Variants in HEXIM2 observed in about 807,000 individuals in gnomAD.
HEXIM2 encodes the protein HEXIM P-TEFb complex subunit 2.
For missense variants in HEXIM2, 413 were observed against 390.8 expected, an observed-to-expected ratio of 1.06 and a Z score of -0.48; for synonymous variants, 159 against 162.7, an observed-to-expected ratio of 0.98 and a Z score of 0.17.
chr17:45,162,553 G>GAATCCCATTTGGCCCCTT lies in HEXIM2; in HGVS notation c.-126_-109dup. 1 of 1,367,804 alleles carries GAATCCCATTTGGCCCCTT rather than the reference G, an allele frequency of 7.3e-7. No individual in the cohort carries two copies. The highest frequency in any genetic ancestry group is 9.5e-7 in the Non-Finnish European group (1 of 1,057,724). The allele number at this position is 1,367,804 out of a possible 1,614,324, so 84.7% of individuals were successfully genotyped here. A position where few individuals can be genotyped will look rare whatever the true frequency, so the allele number is the denominator to read the frequency against. On this transcript the variant is annotated 5_prime_UTR_variant, in exon 2 of 4. Coordinates refer to ENST00000589230, the MANE Select transcript of HEXIM2 (RefSeq NM_001303441.2). ...GAGCAGGACAGAGAAGACGGCCCCT[G>GAATCCCATTTGGCCCCTT]AATCCCATTTGGCCCCTTGCTGGCT... is the stretch of plus-strand genomic sequence containing the variant.
chr17:45,169,270 CT>C lies in HEXIM2; in HGVS notation c.323del (p.Leu108ArgfsTer40). The stretch of plus-strand genomic sequence containing the variant: ...AAGGCACTGGCGACCCTACCTGGAG[CT>C]GAGCTGGGCTGAGAAACAACAGCGG... ...RKRHWRPYLE[L>X]SWAEKQQRDE... On this transcript the variant is annotated frameshift_variant, in exon 4 of 4. Transcript: ENST00000589230. LOFTEE classifies it low-confidence loss of function (END_TRUNC). 1 of 1,613,860 alleles carries C rather than the reference CT, an allele frequency of 6.2e-7. No individual in the cohort carries two copies. The highest frequency in any genetic ancestry group is 1.6e-4 in the Middle Eastern group (1 of 6,062).
At position 45,164,687 on chromosome 17, in the gene HEXIM2, G is replaced by A. The variant is rs535578156; in HGVS notation, c.66+1828G>A. Among the ~76,000 whole-genome samples, 337 of 152,288 alleles carry A rather than the reference G, an allele frequency of 2.2e-3. 3 individuals carry two copies. Among genetic ancestry groups the A allele is most frequent in the Non-Finnish European group, 2.0e-3 (139 of 68,024 alleles). On this transcript the variant is annotated intron_variant, in intron 3 of 3. Coordinates refer to ENST00000589230, the MANE Select transcript of HEXIM2 (RefSeq NM_001303441.2). ...TGGGGGTAGGATATAACCCACGAAA[G>A]AGGAGAGAGAAAGATCATATCAGGC...
intron 3 of HEXIM2, among the ~76,000 whole-genome samples, chr17:45,167,151 C>T (rs551031202): frequency 5.1e-4 from 77 of 151,286 alleles, no homozygotes; most frequent in African/African-American, 1.8e-3. Context: ...CATGGTGAAA[C>T]CCCATCTGTA....
chr17:45,161,041 G>A (rs1598123386), upstream of HEXIM2: 7 of 1,023,636 alleles, frequency 6.8e-6, no homozygotes, highest in East Asian at 3.6e-4. Context: ...CCCCCGCGGC[G>A]CCAGCCTCTG....
At chr17:45,168,946 G>C in intron 3 of HEXIM2, 69 bp from the exon 4 acceptor site, 1 of 1,425,662 alleles carries the variant, frequency 7.0e-7, no homozygotes, top group Non-Finnish European at 9.5e-7. Context: ...AGGCTAGGTA[G>C]AGAGGGAAAG....
At chr17:45,161,343 T>C (rs977799171), upstream of HEXIM2, 3 of 215,912 alleles carry the variant, frequency 1.4e-5, no homozygotes, top group Admixed American at 5.1e-5. Context: ...GACTCCAACC[T>C]TCACCCTCCC....
chr17:45,161,075 TC>T, upstream of HEXIM2: 1 of 659,642 alleles, frequency 1.5e-6, no homozygotes, highest in Admixed American at 2.4e-5. Context: ...CCCCCACCTC[TC>T]CAGTCGAAGT....
At chr17:45,162,664 G>A (rs1205246990) in intron 2 of HEXIM2, 29 bp downstream of exon 2, 5 of 1,562,598 alleles carry the variant, frequency 3.2e-6, no homozygotes, top group African/African-American at 1.4e-5. Context: ...CAAAATGGCT[G>A]CCACTGCCTG....
rs1270257928 is a variant in HEXIM2 at position 45,162,655 on chromosome 17, A to G, written c.-45+20A>G. The G allele has an allele frequency of 1.3e-5, 20 of 1,548,184 alleles. No homozygotes were observed. Among genetic ancestry groups the G allele is most frequent in the Non-Finnish European group, 1.4e-5 (16 of 1,153,070 alleles). On this transcript the variant is annotated intron_variant, in intron 2 of 3. Coordinates refer to ENST00000589230, the MANE Select transcript of HEXIM2 (RefSeq NM_001303441.2). ...ATAAGGGTATGAAGGGCTGGGGTAC[A>G]AAATGGCTGCCACTGCCTGGGCAAA...
At chr17:45,165,201 G>A (rs745391512) in intron 3 of HEXIM2, among the ~76,000 whole-genome samples, 13 of 152,194 alleles carry the variant, frequency 8.5e-5, no homozygotes, top group Non-Finnish European at 1.9e-4. Flanking sequence ...CACTGGTGGA[G>A]ACAAGGGCTA....
rs1279380736 is a variant in HEXIM2 at position 45,169,699 on chromosome 17, G to A, written c.751G>A (p.Glu251Lys). 2.0e-6 allele frequency: 3 copies of A among 1,530,186 alleles called. No homozygotes were observed. The highest frequency in any genetic ancestry group is 2.4e-5 in the South Asian group (2 of 82,832). The allele number at this position is 1,530,186 out of a possible 1,614,324, so 94.8% of individuals were successfully genotyped here. ...TGQQSCRQVE[E>K]LAAEVQRLRT... ...CCAGCAGTCCTGCCGCCAGGTGGAG[G>A]AGCTGGCTGCCGAGGTCCAGAGGCT... is the stretch of plus-strand genomic sequence containing the variant. The change falls in exon 4 of 4, where the codon GAG becomes AAG. Residue 251 changes from glutamate to lysine, a missense_variant. Physicochemically the swap from Glu to Lys is moderately conservative, Grantham distance 56 (BLOSUM62 1). Transcript: ENST00000589230.
At chr17:45,165,560 C>T (rs1459058313) in intron 3 of HEXIM2, among the ~76,000 whole-genome samples, 2 of 152,112 alleles carry the variant, frequency 1.3e-5, no homozygotes, top group Non-Finnish European at 2.9e-5. Context: ...CTTCCCACAA[C>T]AGAGATAAAC....
chr17:45,163,052 G>A (rs868418017), intron 3 of HEXIM2, among the ~76,000 whole-genome samples, 193 bp downstream of exon 3: 3 of 152,136 alleles, frequency 2.0e-5, no homozygotes, highest in Non-Finnish European at 2.9e-5. Context: ...GGCCGGGTGC[G>A]GTGGCTCACA....
At position 45,169,841 on chromosome 17, in the gene HEXIM2, A is replaced by G. The variant is rs1434592924; in HGVS notation, c.*32A>G. The G allele has an allele frequency of 1.4e-5, 20 of 1,421,974 alleles. No individual in the cohort carries two copies. Among genetic ancestry groups the G allele is most frequent in the Non-Finnish European group, 1.7e-5 (18 of 1,090,840 alleles). 88.1% of individuals were successfully genotyped at this position (1,421,974 alleles called of 1,614,324 possible). ...CTCCCAGCCTGGTGGACCCAAGGAG[A>G]AGGTCCCATTTCGTGCACACTCAGG... On this transcript the variant is annotated 3_prime_UTR_variant, in exon 4 of 4. Transcript: ENST00000589230.
upstream of HEXIM2, chr17:45,161,765 G>A: frequency 2.2e-6 from 2 of 923,256 alleles, no homozygotes; most frequent in Non-Finnish European, 2.6e-6. Flanking sequence ...CCCCGCGCAA[G>A]GGTAGATGGG....
upstream of HEXIM2, chr17:45,160,928 C>A (rs1246769209): frequency 1.6e-6 from 2 of 1,289,820 alleles, no homozygotes; most frequent in Admixed American, 2.3e-5. Flanking sequence ...CGAGATGGCG[C>A]TTTGGTGTAA....
chr17:45,161,357 C>T (rs527453674), upstream of HEXIM2: 2 of 194,870 alleles, frequency 1.0e-5, no homozygotes, highest in African/African-American at 2.3e-5. Context: ...CCCTCCCTGG[C>T]CCCCGGTCCC....
chr17:45,168,494 G>T (rs549783262), intron 3 of HEXIM2, among the ~76,000 whole-genome samples: 70 of 142,566 alleles, frequency 4.9e-4, no homozygotes, highest in African/African-American at 1.7e-3. Context: ...ATAAAATAAG[G>T]TTTTTTTTTT....
chr17:45,168,964 C>G, intron 3 of HEXIM2, 51 bp from the exon 4 acceptor site: 1 of 1,518,760 alleles, frequency 6.6e-7, no homozygotes, highest in Non-Finnish European at 8.9e-7. Flanking sequence ...AAGGTTCCAC[C>G]TCCAAGGACA....
Sources: gnomAD v4.1 joint callset for allele counts (sites outside exome capture counted in the v4.1 genomes callset) on GRCh38, gnomAD v4.1.1 for gene constraint, MANE v1.5 for transcripts, NCBI Gene and HGNC (gene_info 2026-07-23, HGNC 2026-07-21) for gene names.